The following PPARGC1A variants were observed in gnomAD, a reference collection of about 807,000 sequenced individuals.
The protein encoded by PPARGC1A is PPARG coactivator 1 alpha.
A neutral mutation model predicts 88.7 loss-of-function variants in PPARGC1A; 25 were observed. The observed-to-expected ratio is 0.28, with a 90% CI of 0.21 to 0.39. The LOEUF (loss-of-function observed/expected upper bound fraction) is 0.39, where lower values mean the gene tolerates loss of function less well. PPARGC1A is among the 10% of genes least tolerant of loss of function. The pLI is 1.00. For missense variants in PPARGC1A, 880 were observed against 968.7 expected, an observed-to-expected ratio of 0.91 and a Z score of 1.22; for synonymous variants, 363 against 355.6, an observed-to-expected ratio of 1.02 and a Z score of -0.24.
the PPARGC1A span, among the ~76,000 whole-genome samples, chr4:24,268,613 G>A: frequency 6.6e-6 from 1 of 152,126 alleles, no homozygotes; most frequent in African/African-American, 2.4e-5. Context: ...ACAATCTTTG[G>A]TTTTACAAAG....
At chr4:24,371,847 A>T in the PPARGC1A span, among the ~76,000 whole-genome samples, 3 of 151,760 alleles carry the variant, frequency 2.0e-5, no homozygotes, top group African/African-American at 7.3e-5. Context: ...GCTACTCAGG[A>T]GACTGAGGCA....
the PPARGC1A span, among the ~76,000 whole-genome samples, chr4:24,443,924 T>C: frequency 1.3e-5 from 2 of 152,110 alleles, no homozygotes; most frequent in Admixed American, 1.3e-4. Context: ...TTTCAGGTGG[T>C]TCAATTAAGA....
the PPARGC1A span, among the ~76,000 whole-genome samples, chr4:24,186,496 T>G: frequency 6.6e-6 from 1 of 152,160 alleles, no homozygotes; most frequent in South Asian, 2.1e-4. Context: ...TCCCACTCTC[T>G]GGATCTTGGT....
chr4:24,225,318 C>G, the PPARGC1A span, among the ~76,000 whole-genome samples: 1 of 152,020 alleles, frequency 6.6e-6, no homozygotes, highest in African/African-American at 2.4e-5. Flanking sequence ...GCCTCTAATC[C>G]CTGCACTTTG....
the PPARGC1A span, among the ~76,000 whole-genome samples, chr4:24,091,873 C>T: frequency 8.6e-5 from 13 of 151,324 alleles, no homozygotes; most frequent in African/African-American, 2.7e-4. Context: ...CAGGCTTGCT[C>T]TATGCTTGAG....
the PPARGC1A span, among the ~76,000 whole-genome samples, chr4:24,323,314 C>T: frequency 1.3e-5 from 2 of 152,084 alleles, no homozygotes; most frequent in African/African-American, 4.8e-5. Context: ...GCCAAGCCAT[C>T]GCATCCCCTG....
chr4:24,171,410 A>C, the PPARGC1A span, among the ~76,000 whole-genome samples: 22 of 152,090 alleles, frequency 1.4e-4, no homozygotes, highest in Non-Finnish European at 2.6e-4. Context: ...ATCTCAAAAA[A>C]AAAAAGTGTC....
the PPARGC1A span, among the ~76,000 whole-genome samples, chr4:24,114,600 C>T: frequency 3.3e-5 from 5 of 152,266 alleles, no homozygotes; most frequent in South Asian, 2.1e-4. Context: ...CACAGCCTCC[C>T]GGCATGCCTT....
chr4:24,412,339 T>TATTG, the PPARGC1A span, among the ~76,000 whole-genome samples: 1 of 152,144 alleles, frequency 6.6e-6, no homozygotes, highest in Non-Finnish European at 1.5e-5. Context: ...ACCCACCACC[T>TATTG]ATTGTTCCAC....
the PPARGC1A span, among the ~76,000 whole-genome samples, chr4:24,300,165 G>A: frequency 3.9e-5 from 6 of 151,978 alleles, no homozygotes; most frequent in Non-Finnish European, 7.4e-5. Context: ...TACAGAAACC[G>A]TTTACATTCA....
the PPARGC1A span, among the ~76,000 whole-genome samples, chr4:24,038,272 G>A: frequency 1.3e-5 from 2 of 152,132 alleles, no homozygotes; most frequent in Non-Finnish European, 2.9e-5. Context: ...AACCAGACCT[G>A]GATGTCTCTG....
rs757513403 is a variant in PPARGC1A at position 23,801,783 on chromosome 4, T to C, written c.2240A>G (p.Glu747Gly). Residue 747 changes from glutamate (E) to glycine (G), a missense_variant, in exon 12 of 13, where the codon GAG becomes GGG. By Grantham distance (98) the Glu-to-Gly change is moderately conservative (BLOSUM62 -2). Coordinates refer to ENST00000264867, the MANE Select transcript of PPARGC1A (RefSeq NM_013261.5). Reference sequence around the variant, plus strand: ...TTGCTTGCGTCCACAAAAGTACAGCTCAAAGTCAGTTTCGTTTGACCTGCG... The same window carrying C: ...TTGCTTGCGTCCACAAAAGTACAGCCCAAAGTCAGTTTCGTTTGACCTGCG... ...TLRRSNETDF[E>G]LYFCGRKQFF... is the part of the protein sequence containing the mutation. 1.2e-6 allele frequency: 2 copies of C among 1,614,010 alleles called. No individual in the cohort carries two copies. The highest frequency in any genetic ancestry group is 1.7e-6 in the Non-Finnish European group (2 of 1,179,964).
chr4:24,130,417 C>A, the PPARGC1A span, among the ~76,000 whole-genome samples: 7 of 152,290 alleles, frequency 4.6e-5, no homozygotes, highest in African/African-American at 1.4e-4. Context: ...GTTCCCATTT[C>A]TCCAGCCCAT....
At chr4:23,904,464 A>G (rs975429802), upstream of PPARGC1A, among the ~76,000 whole-genome samples, 1 of 152,214 alleles carries the variant, frequency 6.6e-6, no homozygotes, top group Non-Finnish European at 1.5e-5. Context: ...ATCCATGCCC[A>G]TAACTGACTG....
chr4:24,421,143 G>GA, the PPARGC1A span, among the ~76,000 whole-genome samples: 3 of 151,894 alleles, frequency 2.0e-5, no homozygotes, highest in Non-Finnish European at 4.4e-5. Context: ...ACTAGATTTA[G>GA]AAAAAACAAC....
the PPARGC1A span, among the ~76,000 whole-genome samples, chr4:24,002,097 C>G: frequency 0.18 from 21,795 of 124,484 alleles, 1,972 homozygotes; most frequent in Admixed American, 0.22. Flanking sequence ...CACACACACA[C>G]AGAGAGAGAG....
At chr4:24,183,378 G>A in the PPARGC1A span, among the ~76,000 whole-genome samples, 1 of 152,314 alleles carries the variant, frequency 6.6e-6, no homozygotes, top group African/African-American at 2.4e-5. Flanking sequence ...GCAGTAGGAA[G>A]TCTGTCTCCA....
the PPARGC1A span, among the ~76,000 whole-genome samples, chr4:24,338,487 C>T: frequency 1.3e-5 from 2 of 152,142 alleles, no homozygotes; most frequent in Non-Finnish European, 2.9e-5. Flanking sequence ...TTAATTCCAT[C>T]CAGGCTGATA....
At chr4:23,813,576 T>C (rs908551558) in intron 8 of PPARGC1A, 114 bp downstream of exon 8, 4 of 921,092 alleles carry the variant, frequency 4.3e-6, no homozygotes, top group East Asian at 2.7e-5. Flanking sequence ...GTGCCAGAAT[T>C]GCAGTGGTCA....
Sources: allele counts gnomAD v4.1 joint callset (sites outside exome capture counted in the v4.1 genomes callset), GRCh38; gene constraint gnomAD v4.1.1; transcripts MANE v1.5; gene names NCBI Gene and HGNC (gene_info 2026-07-23, HGNC 2026-07-21).